Variants in ZC3H7B observed in about 807,000 individuals in gnomAD.
The protein encoded by ZC3H7B is zinc finger CCCH-type containing 7B.
ZC3H7B carries 35 observed loss-of-function variants against 116.0 expected under a neutral mutation model. That is an observed-to-expected ratio of 0.30 (90% CI 0.23 to 0.40). The LOEUF is 0.40. Among genes scored for constraint, ZC3H7B ranks in the 10% least tolerant of loss-of-function variants. The pLI is 1.00. For synonymous variants in ZC3H7B, 502 were observed against 545.6 expected, an observed-to-expected ratio of 0.92 and a Z score of 1.11; for missense variants, 1,011 against 1,321.5, an observed-to-expected ratio of 0.77 and a Z score of 3.64.
chr22:41,355,558 G>T lies in ZC3H7B; in HGVS notation c.2124G>T (p.Glu708Asp). The change falls in exon 18 of 23, where the codon GAG becomes GAT. Residue 708 changes from glutamate to aspartate, a missense_variant. Physicochemically the swap from Glu to Asp is conservative, Grantham distance 45. This residue lies in a region of ZC3H7B where 406 missense variants were observed against 590.2 expected (regional missense o/e 0.69). Transcript: ENST00000352645. ...GQCWRNGQVV[E>D]PDKDLKYCSA... ...GCTGGAGAAACGGGCAGGTGGTGGA[G>T]CCTGACAAGGACCTCAAGTACTGTA... The T allele has an allele frequency of 6.2e-7, 1 of 1,614,186 alleles. No individual in the cohort carries two copies. Among genetic ancestry groups the T allele is most frequent in the Non-Finnish European group, 8.5e-7 (1 of 1,180,030 alleles).
At chr22:41,328,795 T>A (rs1423611490) in intron 5 of ZC3H7B, among the ~76,000 whole-genome samples, 1 of 152,112 alleles carries the variant, frequency 6.6e-6, no homozygotes. Context: ...ACCCTGTGCC[T>A]CATGTATGTA....
intron 1 of ZC3H7B, among the ~76,000 whole-genome samples, chr22:41,305,350 A>G (rs1031676946): frequency 4.0e-5 from 6 of 149,906 alleles, no homozygotes; most frequent in African/African-American, 1.5e-4. Flanking sequence ...CTCAAAAAAA[A>G]AAAAAAAAAA....
chr22:41,313,812 G>A (rs1349735857), intron 1 of ZC3H7B, among the ~76,000 whole-genome samples: 12 of 151,318 alleles, frequency 7.9e-5, no homozygotes, highest in Admixed American at 5.3e-4. Flanking sequence ...GTGCCATCTC[G>A]GCTCACAGCA....
In ZC3H7B at chr22:41,351,415, C is replaced by A; in HGVS notation, c.1949-146C>A. Reference sequence around the variant, plus strand: ...TTTTGCAGATGGACAAAGTGGTTCCCTTGTACCCCATGTCTTACTGTGGCT... The same window carrying A: ...TTTTGCAGATGGACAAAGTGGTTCCATTGTACCCCATGTCTTACTGTGGCT... On this transcript the variant is annotated intron_variant, in intron 16 of 22. Transcript: ENST00000352645. The surrounding 1 kb of genome is among the most constrained non-coding windows in gnomAD (Gnocchi z 5.1). 1.5e-6 allele frequency: 1 copy of A among 656,656 alleles called. No individual in the cohort carries two copies. Among genetic ancestry groups the A allele is most frequent in the South Asian group, 2.0e-5 (1 of 50,396 alleles). 40.7% of individuals were successfully genotyped at this position (656,656 alleles called of 1,614,324 possible).
At chr22:41,333,762 A>G (rs934966057) in intron 7 of ZC3H7B, 2 of 152,226 alleles carry the variant, frequency 1.3e-5, no homozygotes, top group Non-Finnish European at 2.9e-5. Flanking sequence ...TGTGATAAAC[A>G]AAACAAATCT....
rs538655158 is a variant in ZC3H7B, at chr22:41,359,194, G to C, written c.*1765G>C. 1 of 152,856 alleles carries C rather than the reference G, an allele frequency of 6.5e-6. No individual in the cohort carries two copies. The highest frequency in any genetic ancestry group is 1.5e-5 in the Non-Finnish European group (1 of 68,222). 9.5% of individuals were successfully genotyped at this position (152,856 alleles called of 1,614,324 possible). On this transcript the variant is annotated 3_prime_UTR_variant, in exon 23 of 23. Transcript: ENST00000352645. ...TGTGGCCATGTGTGGCCGTGATGTC[G>C]ATGATACTCGTTTTCCCTGATCCGT...
Position 41,348,130 on chromosome 22 carries a change from T to TCCAACCTGGCTG in ZC3H7B, c.1734_1745dup (p.Asn578_Ala581dup). Reference sequence around the variant, plus strand: ...CACCAAGGACTCTCCGTCTGTCTGCTCCAACCTGGCTGCCAAGCACAGCTT... The same window carrying TCCAACCTGGCTG: ...CACCAAGGACTCTCCGTCTGTCTGCTCCAACCTGGCTGCCAACCTGGCTGCCAAGCACAGCTT... On this transcript the variant is annotated inframe_insertion, in exon 15 of 23. Coordinates refer to ENST00000352645, the MANE Select transcript of ZC3H7B (RefSeq NM_017590.6). The TCCAACCTGGCTG allele has an allele frequency of 6.2e-7, 1 of 1,613,948 alleles. No individual in the cohort carries two copies. The highest frequency in any genetic ancestry group is 8.5e-7 in the Non-Finnish European group (1 of 1,179,948).
intron 3 of ZC3H7B, 22 bp downstream of exon 3, chr22:41,325,619 G>T: frequency 6.2e-7 from 1 of 1,611,330 alleles, no homozygotes; most frequent in South Asian, 1.1e-5. Flanking sequence ...CTGCCAGGCT[G>T]AGCAAAGGTG....
rs200542050 is a variant in ZC3H7B at position 41,355,595 on chromosome 22, C to T, written c.2161C>T (p.Arg721Trp). ...CCTCAAGTACTGTAGTGCCAAGGCC[C>T]GGCACTGGTGAGTGGGATGCCAGGT... Reference protein sequence around the residue: ...KDLKYCSAKARHCWTKERRVL... With the variant: ...KDLKYCSAKAWHCWTKERRVL... Residue 721 changes from arginine (R) to tryptophan (W), a missense_variant, in exon 18 of 23, where the codon CGG becomes TGG. Arg to Trp is a moderately radical substitution (Grantham distance 101). Transcript: ENST00000352645. The T allele has an allele frequency of 4.3e-5, 69 of 1,614,110 alleles. No individual in the cohort carries two copies. Among genetic ancestry groups the T allele is most frequent in the Middle Eastern group, 1.6e-4 (1 of 6,062 alleles).
At chr22:41,305,113 G>A (rs566218079) in intron 1 of ZC3H7B, among the ~76,000 whole-genome samples, 153 of 152,256 alleles carry the variant, frequency 1.0e-3, no homozygotes, top group African/African-American at 3.0e-3. Context: ...TTGGGACGCC[G>A]GGGCGGGTGG....
intron 18 of ZC3H7B, 49 bp from the exon 19 acceptor site, chr22:41,355,701 TCACACAG>T: frequency 1.2e-6 from 2 of 1,612,054 alleles, no homozygotes; most frequent in Non-Finnish European, 1.7e-6. Flanking sequence ...TCCACAGAGG[TCACACAG>T]CACACAGGCT....
chr22:41,352,271 T>C (rs1269205502), intron 17 of ZC3H7B, among the ~76,000 whole-genome samples: 1 of 152,240 alleles, frequency 6.6e-6, no homozygotes, highest in Non-Finnish European at 1.5e-5. Context: ...ACAGAGGTGA[T>C]GTCGTGTTCT....
In ZC3H7B at chr22:41,359,905, G is replaced by C. The variant is rs1283221196; in HGVS notation, c.*2476G>C. The stretch of plus-strand genomic sequence containing the variant: ...ACAAGATGGCATGGCAAGCATGGGG[G>C]CGGGGTGGGTGGGGAGGGATGCTGC... On this transcript the variant is annotated 3_prime_UTR_variant, in exon 23 of 23. Transcript: ENST00000352645. The C allele has an allele frequency of 6.6e-6, 1 of 151,986 alleles. No individual in the cohort carries two copies. The highest frequency in any genetic ancestry group is 1.5e-5 in the Non-Finnish European group (1 of 67,948). The allele number at this position is 151,986 out of a possible 1,614,324, so 9.4% of individuals were successfully genotyped here.
chr22:41,326,447 C>G lies in ZC3H7B; in HGVS notation c.285+529C>G, dbSNP rs536482250. On this transcript the variant is annotated intron_variant, in intron 4 of 22. Transcript: ENST00000352645. ...CTCCTCACTGTTTCTTCCATAGCCT[C>G]CTCACTGTTTCTTCCATAGCCTCCT... 2.6e-5 allele frequency among the ~76,000 whole-genome samples: 4 copies of G among 151,378 alleles called. No homozygotes were observed. The South Asian group carries it at 8.4e-4, about 32-fold the overall frequency.
chr22:41,316,902 G>A (rs1254155949), intron 1 of ZC3H7B, among the ~76,000 whole-genome samples: 1 of 152,038 alleles, frequency 6.6e-6, no homozygotes, highest in Non-Finnish European at 1.5e-5. Context: ...GGGTGCAGTG[G>A]CACAATCTTC....
At chr22:41,309,916 A>G (rs1454597827) in intron 1 of ZC3H7B, among the ~76,000 whole-genome samples, 2 of 152,144 alleles carry the variant, frequency 1.3e-5, no homozygotes, top group Admixed American at 1.3e-4. Context: ...AAAGAAATCA[A>G]CATTGATGGC....
chr22:41,319,265 G>T (rs2036223224), intron 1 of ZC3H7B, among the ~76,000 whole-genome samples: 1 of 152,188 alleles, frequency 6.6e-6, no homozygotes, highest in African/African-American at 2.4e-5. Context: ...GCTAGGCATG[G>T]TGGCACGTGC....
intron 17 of ZC3H7B, among the ~76,000 whole-genome samples, chr22:41,353,180 C>T (rs1283867595): frequency 6.6e-6 from 1 of 152,210 alleles, no homozygotes; most frequent in Non-Finnish European, 1.5e-5. Flanking sequence ...TGTGGTATCC[C>T]CTCCCATCCC....
intron 17 of ZC3H7B, among the ~76,000 whole-genome samples, chr22:41,354,102 T>A (rs1049637613): frequency 6.6e-6 from 1 of 152,164 alleles, no homozygotes; most frequent in African/African-American, 2.4e-5. Context: ...GACTATGCAG[T>A]CATCAACGTG....
Sources: gnomAD v4.1 joint callset for allele counts (sites outside exome capture counted in the v4.1 genomes callset) on GRCh38, gnomAD v4.1.1 for gene constraint, gnomAD v4.1.1 regional missense constraint, Gnocchi (gnomAD v3.1) non-coding constraint, MANE v1.5 for transcripts, NCBI Gene and HGNC (gene_info 2026-07-23, HGNC 2026-07-21) for gene names.